Variants in NUSAP1 observed in about 807,000 individuals in gnomAD.
NUSAP1 encodes the protein nucleolar and spindle associated protein 1.
NUSAP1 carries 32 observed loss-of-function variants against 52.8 expected under a neutral mutation model. The ratio of observed to expected loss-of-function variants is 0.61; its 90% CI spans 0.46 to 0.81. NUSAP1 has a LOEUF of 0.81. Among genes scored for constraint, NUSAP1 ranks in the 40% least tolerant of loss-of-function variants. NUSAP1 has a pLI of 0.00. For synonymous variants in NUSAP1, 195 were observed against 183.1 expected (o/e 1.06, Z -0.52); for missense variants, 499 against 522.3 (o/e 0.96, Z 0.43).
chr15:41,364,880 AAAAG>A (rs998656675), intron 6 of NUSAP1, among the ~76,000 whole-genome samples: 4 of 152,142 alleles, frequency 2.6e-5, no homozygotes, highest in African/African-American at 7.2e-5. Flanking sequence ...ATAAAAAAAA[AAAAG>A]AAAGAAAATG....
chr15:41,375,926 C>T (rs112212820), intron 9 of NUSAP1, 98 bp downstream of exon 9: 267 of 770,796 alleles, frequency 3.5e-4, no homozygotes, highest in African/African-American at 1.9e-3. Context: ...ATTAGCCAGG[C>T]GTGGTGGCAG....
intron 4 of NUSAP1, chr15:41,351,967 G>A (rs2048794705): frequency 6.7e-6 from 1 of 149,846 alleles, no homozygotes; most frequent in African/African-American, 2.5e-5. Context: ...TTTTTAGACA[G>A]AGTCTTGCTG....
At position 41,349,189 on chromosome 15, in the gene NUSAP1, T is replaced by A. The variant is rs749361448; in HGVS notation, c.254T>A (p.Val85Asp). The change falls in exon 3 of 11, where the codon GTC (valine) becomes GAC (aspartate). Residue 85 changes from valine to aspartate, a missense_variant. Coordinates refer to ENST00000559596, the MANE Select transcript of NUSAP1 (RefSeq NM_016359.5). ...EEAERQPLGH[V>D]TKTRRRCKTV... is the part of the protein sequence containing the mutation. ...GCTGAGAGACAGCCACTTGGCCATG[T>A]CACCAAAACAAGGAGAAGGTGCAAG... 6.2e-7 allele frequency: 1 copy of A among 1,613,942 alleles called. No individual in the cohort carries two copies. Among genetic ancestry groups the A allele is most frequent in the Non-Finnish European group, 8.5e-7 (1 of 1,179,836 alleles).
At chr15:41,334,111 T>C (rs929259661) in intron 1 of NUSAP1, among the ~76,000 whole-genome samples, 2 of 94,630 alleles carry the variant, frequency 2.1e-5, no homozygotes, top group African/African-American at 7.0e-5. Flanking sequence ...TTTTTTTTTA[T>C]TTGTTTGTTT....
chr15:41,350,500 G>A (rs2048739360), intron 3 of NUSAP1, among the ~76,000 whole-genome samples: 1 of 151,858 alleles, frequency 6.6e-6, no homozygotes, highest in Non-Finnish European at 1.5e-5. Context: ...GTCGGGGGGA[G>A]GGTGGTGTCT....
At chr15:41,352,271 C>G (rs1354173432) in intron 4 of NUSAP1, among the ~76,000 whole-genome samples, 3 of 151,912 alleles carry the variant, frequency 2.0e-5, no homozygotes, top group African/African-American at 7.3e-5. Context: ...CCTACTAAAC[C>G]TCTGCTCTTA....
chr15:41,351,713 G>A (rs891552049), intron 4 of NUSAP1, among the ~76,000 whole-genome samples: 5 of 152,154 alleles, frequency 3.3e-5, no homozygotes, highest in Non-Finnish European at 7.4e-5. Flanking sequence ...CTTGAACCCA[G>A]GAGGTTAAGG....
intron 1 of NUSAP1, among the ~76,000 whole-genome samples, chr15:41,333,441 A>G (rs1292420796): frequency 6.6e-6 from 1 of 151,788 alleles, no homozygotes; most frequent in Admixed American, 6.6e-5. Context: ...CTTCTGGAAA[A>G]CCCCAAACAG....
At position 41,380,133 on chromosome 15, in the gene NUSAP1, A is replaced by G. The variant is rs1166074090; in HGVS notation, c.1273A>G (p.Lys425Glu). 1.3e-6 allele frequency: 2 copies of G among 1,588,692 alleles called. No individual in the cohort carries two copies. Among genetic ancestry groups the G allele is most frequent in the Admixed American group, 3.6e-5 (2 of 55,786 alleles). ...GAAACGCGAGCAAGAACGAAAGGAGAAGAAAGCAAAGGTTTTGGGAATGCG... is the reference window on the plus strand; with the variant it reads ...GAAACGCGAGCAAGAACGAAAGGAGGAGAAAGCAAAGGTTTTGGGAATGCG... ...RKKREQERKE[K>E]KAKVLGMRRG... Residue 425 changes from lysine (K) to glutamate (E), a missense_variant, in exon 11 of 11, where the codon AAG (lysine) becomes GAG (glutamate). Transcript: ENST00000559596.
Position 41,349,176 on chromosome 15 carries a change from C to A in NUSAP1, c.241C>A (p.Pro81Thr). The change falls in exon 3 of 11, where the codon CCA becomes ACA. Residue 81 changes from proline (P) to threonine (T), a missense_variant. Physicochemically the swap from Pro to Thr is conservative, Grantham distance 38 (BLOSUM62 -1). Coordinates refer to ENST00000559596, the MANE Select transcript of NUSAP1 (RefSeq NM_016359.5). ...ISNQEEAERQ[P>T]LGHVTKTRRR... ...CAACCAGGAAGAAGCTGAGAGACAGCCACTTGGCCATGTCACCAAAACAAG... is the reference window on the plus strand; with the variant it reads ...CAACCAGGAAGAAGCTGAGAGACAGACACTTGGCCATGTCACCAAAACAAG... 1 of 1,613,798 alleles carries A rather than the reference C, an allele frequency of 6.2e-7. No homozygotes were observed. The highest frequency in any genetic ancestry group is 8.5e-7 in the Non-Finnish European group (1 of 1,179,692).
At chr15:41,358,072 G>C in intron 5 of NUSAP1, 77 bp from the exon 6 acceptor site, 4 of 641,840 alleles carry the variant, frequency 6.2e-6, no homozygotes, top group Non-Finnish European at 1.1e-5. Context: ...AAGAGAATAA[G>C]TGTTAACAGA....
At chr15:41,374,982 C>G (rs1294146041) in intron 8 of NUSAP1, among the ~76,000 whole-genome samples, 1 of 150,684 alleles carries the variant, frequency 6.6e-6, no homozygotes, top group Non-Finnish European at 1.5e-5. Context: ...GCTGGGATTA[C>G]AGGCACGTGC....
In NUSAP1 at chr15:41,378,983, TCGCTCTGATGCCCA is replaced by T. The variant is rs2050104766; in HGVS notation, c.1233-1109_1233-1096del. 2.4e-5 allele frequency among the ~76,000 whole-genome samples: 3 copies of T among 125,304 alleles called. 1 individual carries two copies. In the South Asian group the frequency reaches 8.6e-4, roughly 36 times the overall value. 82.2% of individuals were successfully genotyped at this position (125,304 alleles called of 152,430 possible). A position where few individuals can be genotyped will look rare whatever the true frequency, so the allele number is the denominator to read the frequency against. Reference sequence around the variant, plus strand: ...TTTTTTTTTTTTTTGAGATGGAGTCTCGCTCTGATGCCCAGGCTAGAGTGTGGTGGTGCGATCTT... The same window carrying T: ...TTTTTTTTTTTTTTGAGATGGAGTCTGGCTAGAGTGTGGTGGTGCGATCTT... On this transcript the variant is annotated intron_variant, in intron 10 of 10. Transcript: ENST00000559596.
chr15:41,367,132 G>T (rs561004742), intron 7 of NUSAP1, among the ~76,000 whole-genome samples: 1 of 152,266 alleles, frequency 6.6e-6, no homozygotes, highest in East Asian at 1.9e-4. Context: ...GCTGGCCTTC[G>T]GGCATGTCTA....
chr15:41,377,306 T>C lies in NUSAP1; in HGVS notation c.1232+2T>C. The C allele has an allele frequency of 7.3e-7, 1 of 1,372,068 alleles. No homozygotes were observed. The highest frequency in any genetic ancestry group is 1.0e-6 in the Non-Finnish European group (1 of 995,622). The allele number at this position is 1,372,068 out of a possible 1,614,324, so 85.0% of individuals were successfully genotyped here. ...CAAACAACCCCATCTCCAGACAAAGTAAGTACATAATTATCCAGCTTTATA... is the reference window on the plus strand; with the variant it reads ...CAAACAACCCCATCTCCAGACAAAGCAAGTACATAATTATCCAGCTTTATA... On this transcript the variant is annotated splice_donor_variant, in intron 10 of 10. Coordinates refer to ENST00000559596, the MANE Select transcript of NUSAP1 (RefSeq NM_016359.5). LOFTEE classifies it high-confidence loss of function.
chr15:41,380,000 C>T, intron 10 of NUSAP1, 93 bp from the exon 11 acceptor site: 1 of 840,310 alleles, frequency 1.2e-6, no homozygotes, highest in Non-Finnish European at 1.9e-6. Flanking sequence ...GATGTCATTG[C>T]TTGGAAGTTT....
chr15:41,361,033 G>A (rs2049155056), intron 6 of NUSAP1, among the ~76,000 whole-genome samples: 1 of 151,956 alleles, frequency 6.6e-6, no homozygotes, highest in Non-Finnish European at 1.5e-5. Flanking sequence ...GGTGGAGGTT[G>A]CAGTGCATGG....
intron 8 of NUSAP1, among the ~76,000 whole-genome samples, chr15:41,373,544 G>C (rs2049798702): frequency 1.3e-5 from 2 of 149,912 alleles, no homozygotes; most frequent in South Asian, 4.2e-4. Context: ...CCGCCTCCTG[G>C]GTTCACGCCA....
chr15:41,365,474 C>A lies in NUSAP1; in HGVS notation c.733C>A (p.Pro245Thr). Reference sequence around the variant, plus strand: ...AGGAAGACTCTCTGTGGCTTCTACTCCCATCAGCCAACGACGCTCGCAAGG... The same window carrying A: ...AGGAAGACTCTCTGTGGCTTCTACTACCATCAGCCAACGACGCTCGCAAGG... ...PRGRLSVASTPISQRRSQGRS... is the reference protein window; with the variant it reads ...PRGRLSVASTTISQRRSQGRS... The change falls in exon 7 of 11, where the codon CCC becomes ACC. Residue 245 changes from proline to threonine, a missense_variant. Pro to Thr is a conservative substitution (Grantham distance 38). Transcript: ENST00000559596. 6.2e-7 allele frequency: 1 copy of A among 1,612,858 alleles called. No homozygotes were observed. The highest frequency in any genetic ancestry group is 8.5e-7 in the Non-Finnish European group (1 of 1,179,410).
Sources: allele counts gnomAD v4.1 joint callset (sites outside exome capture counted in the v4.1 genomes callset), GRCh38; gene constraint gnomAD v4.1.1; transcripts MANE v1.5; gene names NCBI Gene and HGNC (gene_info 2026-07-23, HGNC 2026-07-21).